GRID2: variants seen among roughly 807,000 people sequenced by gnomAD.
The protein encoded by GRID2 is glutamate ionotropic receptor delta type subunit 2.
GRID2 carries 33 observed loss-of-function variants against 114.8 expected under a neutral mutation model. The observed-to-expected ratio is 0.29, with a 90% CI of 0.22 to 0.38. The LOEUF is 0.38. Among genes scored for constraint, GRID2 ranks in the 10% least tolerant of loss-of-function variants. The pLI, the probability that GRID2 is intolerant of heterozygous loss-of-function variation, is 1.00. For synonymous variants in GRID2, 505 were observed against 449.9 expected, an observed-to-expected ratio of 1.12 and a Z score of -1.55; for missense variants, 1,184 against 1,257.7, an observed-to-expected ratio of 0.94 and a Z score of 0.89.
chr4:93,278,480 G>C (rs1484049892), intron 8 of GRID2, among the ~76,000 whole-genome samples: 1 of 151,878 alleles, frequency 6.6e-6, no homozygotes, highest in African/African-American at 2.4e-5. Flanking sequence ...TGCTAGGGAA[G>C]GCTAATGCCG....
chr4:92,630,684 G>C (rs1264575719), intron 2 of GRID2, among the ~76,000 whole-genome samples: 1 of 152,034 alleles, frequency 6.6e-6, no homozygotes, highest in African/African-American at 2.4e-5. Flanking sequence ...ACCGAAAGTA[G>C]GTATTTGTAA....
chr4:93,026,983 A>C (rs942316114), intron 2 of GRID2, among the ~76,000 whole-genome samples: 4 of 152,106 alleles, frequency 2.6e-5, no homozygotes, highest in Non-Finnish European at 4.4e-5. Flanking sequence ...CGAAGCATAG[A>C]TGTTACTCAG....
intron 14 of GRID2, among the ~76,000 whole-genome samples, chr4:93,633,475 T>A (rs1380619965): frequency 1.3e-5 from 2 of 152,148 alleles, no homozygotes; most frequent in Non-Finnish European, 2.9e-5. Context: ...ACATCTCTAG[T>A]GCCCACTTTC....
At chr4:93,185,667 T>C (rs1579226469) in intron 4 of GRID2, among the ~76,000 whole-genome samples, 1 of 152,220 alleles carries the variant, frequency 6.6e-6, no homozygotes. Flanking sequence ...CAAAAATTAC[T>C]TAGAAAATAT....
intron 8 of GRID2, among the ~76,000 whole-genome samples, chr4:93,294,525 G>A (rs542309891): frequency 6.6e-6 from 1 of 152,116 alleles, no homozygotes; most frequent in Non-Finnish European, 1.5e-5. Context: ...GGATATTAAT[G>A]CAATAAGTAA....
At chr4:92,799,191 A>T (rs117607183) in intron 2 of GRID2, among the ~76,000 whole-genome samples, 2,554 of 152,068 alleles carry the variant, frequency 0.017, 35 homozygotes, top group Non-Finnish European at 0.022. Context: ...GGAGACAGTG[A>T]CAGATCACCC....
intron 14 of GRID2, among the ~76,000 whole-genome samples, chr4:93,719,619 T>C (rs1729187684): frequency 6.6e-6 from 1 of 152,180 alleles, no homozygotes; most frequent in Non-Finnish European, 1.5e-5. Flanking sequence ...GGAAATTGAG[T>C]TTCTATGATG....
intron 2 of GRID2, among the ~76,000 whole-genome samples, chr4:92,712,981 GA>G (rs1735327325): frequency 6.6e-6 from 1 of 151,464 alleles, no homozygotes; most frequent in African/African-American, 2.4e-5. Context: ...CATTTGACTT[GA>G]CTTTTTCTTT....
At chr4:92,782,163 A>C (rs2149359180) in intron 2 of GRID2, among the ~76,000 whole-genome samples, 1 of 152,182 alleles carries the variant, frequency 6.6e-6, no homozygotes, top group East Asian at 1.9e-4. Flanking sequence ...TTGTCCTCAA[A>C]GGGCTGACAG....
chr4:92,474,896 T>C (rs2149098824), intron 1 of GRID2, among the ~76,000 whole-genome samples: 1 of 145,632 alleles, frequency 6.9e-6, no homozygotes, highest in South Asian at 2.2e-4. Context: ...TTATCAAGTA[T>C]ATAATTTGCA....
intron 2 of GRID2, among the ~76,000 whole-genome samples, chr4:92,889,016 CTGT>C (rs1467296376): frequency 2.6e-5 from 4 of 151,892 alleles, no homozygotes; most frequent in Admixed American, 2.0e-4. Context: ...AAAATTGAAA[CTGT>C]TGTTGTTGTA....
intron 7 of GRID2, among the ~76,000 whole-genome samples, chr4:93,228,777 A>G (rs982134816): frequency 2.6e-5 from 4 of 152,078 alleles, no homozygotes; most frequent in Non-Finnish European, 5.9e-5. Flanking sequence ...TCCTGAATAT[A>G]TTTCTTCTTC....
At chr4:92,363,303 T>C (rs1217089869) in intron 1 of GRID2, among the ~76,000 whole-genome samples, 1 of 152,128 alleles carries the variant, frequency 6.6e-6, no homozygotes, top group Non-Finnish European at 1.5e-5. Flanking sequence ...TAGTGTCTTC[T>C]GCATTTTTTA....
chr4:93,047,979 C>A (rs1726321589), intron 2 of GRID2, among the ~76,000 whole-genome samples: 1 of 151,924 alleles, frequency 6.6e-6, no homozygotes, highest in African/African-American at 2.4e-5. Flanking sequence ...GTTGAAGGCT[C>A]CAGGGAGAGA....
intron 8 of GRID2, among the ~76,000 whole-genome samples, chr4:93,286,288 A>G (rs1050141484): frequency 6.6e-6 from 1 of 152,154 alleles, no homozygotes; most frequent in Non-Finnish European, 1.5e-5. Context: ...ATTGTAGCCT[A>G]TTAGGAAGAT....
chr4:93,154,745 C>T lies in GRID2; in HGVS notation c.735+43792C>T, dbSNP rs151055565. ...TCTCTCTGTATTCGTGGCAAAAAAA[C>T]AAAAACAAAAACAAACAAACAAAAA... On this transcript the variant is annotated intron_variant, in intron 4 of 15. Coordinates refer to ENST00000282020, the MANE Select transcript of GRID2 (RefSeq NM_001510.4). Among the ~76,000 whole-genome samples the T allele has an allele frequency of 8.6e-5, 13 of 151,318 alleles. 1 individual carries two copies. Among genetic ancestry groups the T allele is most frequent in the African/African-American group, 2.9e-4 (12 of 41,312 alleles).
intron 8 of GRID2, among the ~76,000 whole-genome samples, chr4:93,321,330 C>G (rs537225694): frequency 2.0e-5 from 3 of 151,862 alleles, no homozygotes; most frequent in African/African-American, 7.3e-5. Flanking sequence ...TAAAAAAAAG[C>G]CTGATATCTA....
chr4:92,596,671 T>A (rs905942251), intron 2 of GRID2, among the ~76,000 whole-genome samples: 2 of 151,726 alleles, frequency 1.3e-5, no homozygotes, highest in Non-Finnish European at 2.9e-5. Context: ...CTATGCTTGT[T>A]AGAGACAACA....
chr4:92,776,592 C>T (rs576444580), intron 2 of GRID2, among the ~76,000 whole-genome samples: 46 of 151,802 alleles, frequency 3.0e-4, no homozygotes, highest in African/African-American at 8.9e-4. Context: ...TTTGACTGTT[C>T]GTTTTTAACT....
Sources: allele counts gnomAD v4.1 joint callset (sites outside exome capture counted in the v4.1 genomes callset), GRCh38; gene constraint gnomAD v4.1.1; transcripts MANE v1.5; gene names NCBI Gene and HGNC (gene_info 2026-07-23, HGNC 2026-07-21).